The following GRIK2 variants were observed in gnomAD, a reference collection of about 807,000 sequenced individuals.
GRIK2 encodes glutamate receptor ionotropic, kainate 2.
Under a neutral mutation model 100.3 loss-of-function variants are expected in GRIK2, and 32 were observed. The observed-to-expected ratio is 0.32, with a 90% CI of 0.24 to 0.43. The LOEUF (loss-of-function observed/expected upper bound fraction) is 0.43, where lower values mean the gene tolerates loss of function less well. GRIK2 is among the 20% of genes least tolerant of loss of function. GRIK2 has a pLI of 1.00. For missense variants in GRIK2, 843 were observed against 1,114.9 expected (o/e 0.76, Z 3.47); for synonymous variants, 417 against 389.4 (o/e 1.07, Z -0.83).
intron 7 of GRIK2, among the ~76,000 whole-genome samples, chr6:101,732,151 G>A (rs1001943618): frequency 6.6e-6 from 1 of 151,356 alleles, no homozygotes; most frequent in African/African-American, 2.4e-5. Context: ...TTATATTTTG[G>A]TTATTCCTTT....
At chr6:101,490,179 T>G (rs1318934925) in intron 2 of GRIK2, among the ~76,000 whole-genome samples, 1 of 102,760 alleles carries the variant, frequency 9.7e-6, no homozygotes, top group East Asian at 4.5e-4. Context: ...CACTAAATAA[T>G]TAAGTATTTA....
At chr6:101,656,151 A>T (rs1039572523) in intron 4 of GRIK2, among the ~76,000 whole-genome samples, 44 of 152,032 alleles carry the variant, frequency 2.9e-4, no homozygotes, top group African/African-American at 1.0e-3. Context: ...AAAAATATGA[A>T]AATTAGCTGG....
intron 10 of GRIK2, among the ~76,000 whole-genome samples, chr6:101,819,974 A>C (rs1781856752): frequency 6.6e-6 from 1 of 152,134 alleles, no homozygotes; most frequent in African/African-American, 2.4e-5. Context: ...AAATTTTTAT[A>C]TATAGGGTCC....
chr6:101,675,101 C>T (rs1223146190), intron 4 of GRIK2, among the ~76,000 whole-genome samples: 1 of 152,050 alleles, frequency 6.6e-6, no homozygotes, highest in Non-Finnish European at 1.5e-5. Flanking sequence ...TTCTAAGCAA[C>T]AGGACACCAG....
At chr6:101,413,906 A>T (rs1231661530) in intron 2 of GRIK2, among the ~76,000 whole-genome samples, 1 of 132,832 alleles carries the variant, frequency 7.5e-6, no homozygotes, top group African/African-American at 2.7e-5. Context: ...TATACAAGCA[A>T]CCAGTCATAA....
At chr6:101,525,619 A>G (rs906266337) in intron 2 of GRIK2, among the ~76,000 whole-genome samples, 4 of 152,174 alleles carry the variant, frequency 2.6e-5, no homozygotes, top group Non-Finnish European at 4.4e-5. Flanking sequence ...GTAAGAACAA[A>G]CTGCTGAAAT....
intron 11 of GRIK2, among the ~76,000 whole-genome samples, chr6:101,878,821 GTCTC>G (rs1786048376): frequency 6.6e-6 from 1 of 151,900 alleles, no homozygotes; most frequent in Admixed American, 6.6e-5. Context: ...TGGCTGCTCT[GTCTC>G]TCACACTCCA....
chr6:101,490,469 A>G (rs1444292561), intron 2 of GRIK2, among the ~76,000 whole-genome samples: 1 of 146,598 alleles, frequency 6.8e-6, no homozygotes, highest in Non-Finnish European at 1.5e-5. Context: ...ATGAATTGCC[A>G]CAGGTGTTCA....
intron 9 of GRIK2, among the ~76,000 whole-genome samples, chr6:101,817,968 GCTGT>G (rs1554268581): frequency 6.6e-6 from 1 of 152,048 alleles, no homozygotes; most frequent in Non-Finnish European, 1.5e-5. Flanking sequence ...TAGATTTTGC[GCTGT>G]CTTTTAGCTT....
At chr6:101,421,189 G>C (rs1436939809) in intron 2 of GRIK2, among the ~76,000 whole-genome samples, 1 of 152,212 alleles carries the variant, frequency 6.6e-6, no homozygotes, top group East Asian at 1.9e-4. Flanking sequence ...AGCTGGCCAA[G>C]TAGATACTGA....
chr6:101,961,363 T>C (rs752741028), intron 14 of GRIK2, among the ~76,000 whole-genome samples: 20 of 150,758 alleles, frequency 1.3e-4, no homozygotes, highest in Non-Finnish European at 2.4e-4. Flanking sequence ...TCCACCATTC[T>C]TGCAAGCTGG....
chr6:101,876,134 A>T (rs1017396393), intron 11 of GRIK2, among the ~76,000 whole-genome samples: 4 of 151,822 alleles, frequency 2.6e-5, no homozygotes, highest in African/African-American at 9.7e-5. Context: ...TAAGAAGAAA[A>T]CATGTTTAGG....
Position 102,069,328 on chromosome 6 carries a change from T to C in GRIK2, c.*817T>C, listed in dbSNP as rs568616886. ...ATAATAATAATAATAATAATAATAA[T>C]AATAATAATAAAAGCAGTTGGTTCA... On this transcript the variant is annotated 3_prime_UTR_variant, in exon 17 of 17. Coordinates refer to ENST00000369134, the MANE Select transcript of GRIK2 (RefSeq NM_021956.5). 2.8e-4 allele frequency: 42 copies of C among 147,666 alleles called. No individual in the cohort carries two copies. The East Asian group carries it at 8.3e-3, about 29-fold the overall frequency. 9.1% of individuals were successfully genotyped at this position (147,666 alleles called of 1,614,324 possible).
chr6:101,595,609 A>T (rs1467084650), intron 2 of GRIK2, among the ~76,000 whole-genome samples: 2 of 150,876 alleles, frequency 1.3e-5, no homozygotes, highest in East Asian at 2.0e-4. Flanking sequence ...CACAGGTACA[A>T]ACACACACAT....
At chr6:101,912,855 A>G (rs1194745603) in intron 12 of GRIK2, among the ~76,000 whole-genome samples, 1 of 151,600 alleles carries the variant, frequency 6.6e-6, no homozygotes, top group Non-Finnish European at 1.5e-5. Context: ...CCCACCACTC[A>G]TTCTGTTGAA....
At chr6:101,606,602 C>A (rs1263501752) in intron 2 of GRIK2, among the ~76,000 whole-genome samples, 1 of 151,976 alleles carries the variant, frequency 6.6e-6, no homozygotes, top group African/African-American at 2.4e-5. Flanking sequence ...AGGACTAGAA[C>A]CCCAGACTCT....
intron 14 of GRIK2, among the ~76,000 whole-genome samples, chr6:101,946,691 G>T (rs748738703): frequency 2.0e-5 from 3 of 152,130 alleles, no homozygotes; most frequent in Non-Finnish European, 4.4e-5. Flanking sequence ...GATTATTGTA[G>T]TAAAGAGGAG....
At chr6:101,999,734 T>C (rs1240203696) in intron 14 of GRIK2, among the ~76,000 whole-genome samples, 2 of 152,108 alleles carry the variant, frequency 1.3e-5, no homozygotes, top group East Asian at 1.9e-4. Context: ...TAAGAAAAGA[T>C]GTATTTTCCT....
chr6:102,065,875 T>A, intron 16 of GRIK2: 1 of 1,456,378 alleles, frequency 6.9e-7, no homozygotes, highest in South Asian at 1.4e-5. Context: ...AGTGTTGTCA[T>A]CATCACCATC....
Sources: allele counts gnomAD v4.1 joint callset (sites outside exome capture counted in the v4.1 genomes callset), GRCh38; gene constraint gnomAD v4.1.1; transcripts MANE v1.5; gene names NCBI Gene and HGNC (gene_info 2026-07-23, HGNC 2026-07-21).